TSHR: variants seen among roughly 807,000 people sequenced by gnomAD.
TSHR encodes thyroid stimulating hormone receptor.
TSHR carries 51 observed loss-of-function variants against 64.1 expected under a neutral mutation model. The observed-to-expected ratio is 0.80, with a 90% CI of 0.64 to 1.01. TSHR has a LOEUF of 1.01. Ranked by LOEUF, TSHR falls within the 50% of genes least tolerant of loss-of-function variation. TSHR has a pLI of 0.00. For synonymous variants in TSHR, 361 were observed against 361.9 expected (o/e 1.00, Z 0.03); for missense variants, 877 against 942.8 (o/e 0.93, Z 0.91).
intron 1 of TSHR, among the ~76,000 whole-genome samples, chr14:81,040,697 C>T (rs1458000488): frequency 1.3e-5 from 2 of 152,032 alleles, no homozygotes; most frequent in Non-Finnish European, 2.9e-5. Context: ...TTTGGCACAG[C>T]AAAAGTAACT....
At chr14:81,078,156 T>G (rs1393703076) in intron 3 of TSHR, among the ~76,000 whole-genome samples, 1 of 152,224 alleles carries the variant, frequency 6.6e-6, no homozygotes, top group Non-Finnish European at 1.5e-5. Context: ...CATGCCCTTC[T>G]GTAGGTCCAA....
rs786205080 is a variant in TSHR at position 81,092,611 on chromosome 14, G to C, written c.545+3G>C. 1 of 1,612,974 alleles carries C rather than the reference G, an allele frequency of 6.2e-7. No individual in the cohort carries two copies. Among genetic ancestry groups the C allele is most frequent in the Non-Finnish European group, 8.5e-7 (1 of 1,179,180 alleles). ...CTATGCAATGAAACCTTGACACTGTGAGTATTACCAGTTCTACTCCCTCCA... is the reference window on the plus strand; with the variant it reads ...CTATGCAATGAAACCTTGACACTGTCAGTATTACCAGTTCTACTCCCTCCA... On this transcript the variant is annotated splice_donor_region_variant and intron_variant, in intron 6 of 9. Coordinates refer to ENST00000298171, the MANE Select transcript of TSHR (RefSeq NM_000369.5).
intron 3 of TSHR, 59 bp downstream of exon 3, chr14:81,068,387 C>T (rs868755944): frequency 1.6e-5 from 25 of 1,536,604 alleles, no homozygotes; most frequent in South Asian, 1.0e-4. Flanking sequence ...GACTGATAAT[C>T]TTGGGGCTCC....
chr14:81,078,489 G>A (rs951439120), intron 3 of TSHR, among the ~76,000 whole-genome samples: 1 of 152,062 alleles, frequency 6.6e-6, no homozygotes, highest in Non-Finnish European at 1.5e-5. Context: ...ATATGCCTAG[G>A]TGAGTTTTTT....
At chr14:81,001,278 A>C (rs1382379467) in intron 1 of TSHR, 1 of 223,010 alleles carries the variant, frequency 4.5e-6, no homozygotes, top group Non-Finnish European at 9.1e-6. Flanking sequence ...AACTTACTGA[A>C]TCCTTACTGA....
intron 1 of TSHR, among the ~76,000 whole-genome samples, chr14:81,010,379 T>C (rs929645380): frequency 2.0e-5 from 3 of 152,034 alleles, no homozygotes; most frequent in African/African-American, 7.2e-5. Context: ...CAGCCATATA[T>C]ATGTCTAGTT....
chr14:80,994,750 A>C (rs887145918), intron 1 of TSHR: 3 of 152,224 alleles, frequency 2.0e-5, no homozygotes, highest in Non-Finnish European at 4.4e-5. Context: ...TAAAGACTTA[A>C]ATGTAAAACC....
chr14:81,059,031 C>T (rs1222749034), intron 1 of TSHR, among the ~76,000 whole-genome samples: 5 of 152,070 alleles, frequency 3.3e-5, no homozygotes, highest in South Asian at 2.1e-4. Context: ...ACCACAAAAC[C>T]TCCACAAAGG....
intron 2 of TSHR, among the ~76,000 whole-genome samples, chr14:81,067,173 T>C (rs1435613850): frequency 6.6e-6 from 1 of 152,196 alleles, no homozygotes; most frequent in African/African-American, 2.4e-5. Flanking sequence ...TGCGATTTTC[T>C]CTTCATCTTT....
At chr14:80,969,889 C>A (rs1887510113) in intron 1 of TSHR, among the ~76,000 whole-genome samples, 1 of 152,194 alleles carries the variant, frequency 6.6e-6, no homozygotes, top group Admixed American at 6.5e-5. Context: ...CAATAGTATT[C>A]TTTCTAGGCC....
chr14:81,064,761 T>C (rs1227431918), intron 2 of TSHR, among the ~76,000 whole-genome samples: 2 of 151,856 alleles, frequency 1.3e-5, no homozygotes, highest in African/African-American at 4.8e-5. Flanking sequence ...CAGGTAGAGA[T>C]TGAGAGTCAC....
chr14:81,120,242 G>A (rs889398757), intron 8 of TSHR, among the ~76,000 whole-genome samples: 1 of 151,984 alleles, frequency 6.6e-6, no homozygotes, highest in Non-Finnish European at 1.5e-5. Flanking sequence ...CCATGGTAAT[G>A]CCCACCAGCC....
At chr14:81,012,855 G>T (rs1318104156) in intron 1 of TSHR, 1 of 152,102 alleles carries the variant, frequency 6.6e-6, no homozygotes, top group Non-Finnish European at 1.5e-5. Context: ...TTTGTCAGAT[G>T]ACTAGGTTGC....
At chr14:80,993,899 C>A (rs572801789) in intron 1 of TSHR, 1 of 151,798 alleles carries the variant, frequency 6.6e-6, no homozygotes, top group East Asian at 1.9e-4. Context: ...GACCCTTGAG[C>A]AACACAAGTT....
chr14:81,037,834 T>G (rs1361286998), intron 1 of TSHR, among the ~76,000 whole-genome samples: 1 of 151,738 alleles, frequency 6.6e-6, no homozygotes, highest in Non-Finnish European at 1.5e-5. Context: ...AAGCAAATAT[T>G]ATAACATCTA....
chr14:81,109,761 A>T (rs1307602444), intron 8 of TSHR, among the ~76,000 whole-genome samples: 2 of 152,028 alleles, frequency 1.3e-5, no homozygotes, highest in Admixed American at 6.6e-5. Flanking sequence ...CCATCCAAAT[A>T]AGAGGTCAGA....
At chr14:81,046,511 A>T (rs777718708) in intron 1 of TSHR, among the ~76,000 whole-genome samples, 90 of 142,360 alleles carry the variant, frequency 6.3e-4, no homozygotes, top group Middle Eastern at 3.4e-3. Flanking sequence ...AAAAAAATAT[A>T]AAAAAAAAAC....
chr14:81,029,314 TAA>T (rs1305672481), intron 1 of TSHR, among the ~76,000 whole-genome samples: 3 of 152,126 alleles, frequency 2.0e-5, no homozygotes, highest in Non-Finnish European at 4.4e-5. Context: ...CTCAGTGTTA[TAA>T]AACTGTTCTA....
At chr14:81,135,678 G>C (rs376002385) in intron 8 of TSHR, among the ~76,000 whole-genome samples, 1 of 152,204 alleles carries the variant, frequency 6.6e-6, no homozygotes, top group African/African-American at 2.4e-5. Flanking sequence ...GAAGCTTCAA[G>C]CCCTGGAAAG....
Sources: gnomAD v4.1 joint callset for allele counts (sites outside exome capture counted in the v4.1 genomes callset) on GRCh38, gnomAD v4.1.1 for gene constraint, MANE v1.5 for transcripts, NCBI Gene and HGNC (gene_info 2026-07-23, HGNC 2026-07-21) for gene names.